Variants in EFNB2 observed in about 807,000 individuals in gnomAD.
EFNB2 encodes ephrin-B2.
EFNB2 carries 5 observed loss-of-function variants against 32.1 expected under a neutral mutation model. The observed-to-expected ratio is 0.16, with a 90% CI of 0.08 to 0.33. The LOEUF (loss-of-function observed/expected upper bound fraction) is 0.33. Among genes scored for constraint, EFNB2 ranks in the 10% least tolerant of loss-of-function variants. The pLI, the probability that EFNB2 is intolerant of heterozygous loss-of-function variation, is 1.00. For missense variants in EFNB2, 263 were observed against 422.6 expected (o/e 0.62, Z 3.31); for synonymous variants, 168 against 166.5 (o/e 1.01, Z -0.07).
intron 2 of EFNB2, among the ~76,000 whole-genome samples, chr13:106,505,259 A>G (rs1878913491): frequency 6.6e-6 from 1 of 152,208 alleles, no homozygotes; most frequent in Admixed American, 6.5e-5. Flanking sequence ...ATGTATGCAT[A>G]CATACTATCT....
Position 106,495,852 on chromosome 13 carries a change from T to C in EFNB2, c.407-12A>G, listed in dbSNP as rs761795630. Reference sequence around the variant, plus strand: ...CCCATTTGATGTAGCTGATTAAAAATAAAATGGACAAAACAAAAAAATAAA... The same window carrying C: ...CCCATTTGATGTAGCTGATTAAAAACAAAATGGACAAAACAAAAAAATAAA... On this transcript the variant is annotated splice_polypyrimidine_tract_variant and intron_variant, in intron 2 of 4. Transcript: ENST00000646441. 1 of 1,607,392 alleles carries C rather than the reference T, an allele frequency of 6.2e-7. No individual in the cohort carries two copies. Among genetic ancestry groups the C allele is most frequent in the African/African-American group, 1.3e-5 (1 of 74,476 alleles).
intron 2 of EFNB2, among the ~76,000 whole-genome samples, chr13:106,499,000 C>T (rs1323655241): frequency 6.6e-6 from 1 of 152,082 alleles, no homozygotes; most frequent in African/African-American, 2.4e-5. Context: ...TTACACGTTC[C>T]ACCAGGAAAG....
rs1300468991 is a variant in EFNB2, at chr13:106,534,876, A to G, written c.89T>C (p.Leu30Ser). The part of the protein sequence containing the change: ...CRTAISKSIV[L>S]EPIYWNSSNS... Reference sequence around the variant, plus strand: ...CGAGGAATTCCAATAGATAGGCTCTAAAACTATCGATTTGGAAATCGCAGT... The same window carrying G: ...CGAGGAATTCCAATAGATAGGCTCTGAAACTATCGATTTGGAAATCGCAGT... The change falls in exon 1 of 5, where the codon TTA becomes TCA. Residue 30 changes from leucine (L) to serine (S), a missense_variant. This residue lies in a region of EFNB2 where 46 missense variants were observed against 56.9 expected (regional missense o/e 0.81). Transcript: ENST00000646441. The G allele has an allele frequency of 6.2e-7, 1 of 1,613,508 alleles. No homozygotes were observed. The highest frequency in any genetic ancestry group is 1.7e-5 in the Admixed American group (1 of 59,952).
rs1390418389 is a variant in EFNB2 at position 106,534,930 on chromosome 13, C to T, written c.35G>A (p.Cys12Tyr). The T allele has an allele frequency of 3.1e-6, 5 of 1,613,610 alleles. No individual in the cohort carries two copies. The highest frequency in any genetic ancestry group is 1.6e-4 in the Middle Eastern group (1 of 6,062). The change falls in exon 1 of 5, where the codon TGC (cysteine) becomes TAC (tyrosine). Residue 12 changes from cysteine (C) to tyrosine (Y), a missense_variant. Cys to Tyr is a radical substitution (Grantham distance 194). Around this residue, in one of 3 missense-constraint regions of EFNB2, gnomAD observed 46 missense variants for 56.9 expected, o/e 0.81. Transcript: ENST00000646441. ...GCATAAAACCATCAAAACACCCCAG[C>T]AGTACTTCCACACGGAGTCCCTTCT... is the stretch of plus-strand genomic sequence containing the variant. The part of the protein sequence containing the change: ...AVRRDSVWKY[C>Y]WGVLMVLCRT...
At chr13:106,506,123 A>G (rs1476114695) in intron 2 of EFNB2, 1 of 152,190 alleles carries the variant, frequency 6.6e-6, no homozygotes, top group African/African-American at 2.4e-5. Flanking sequence ...AAAACCTTTA[A>G]TACACCCAGA....
chr13:106,529,309 G>A (rs1040763730), intron 1 of EFNB2, among the ~76,000 whole-genome samples: 3 of 152,162 alleles, frequency 2.0e-5, no homozygotes, highest in African/African-American at 4.8e-5. Context: ...CAACGACCGC[G>A]AAGTGCAGTT....
At chr13:106,510,329 A>T (rs1232668071) in intron 2 of EFNB2, 1 of 152,406 alleles carries the variant, frequency 6.6e-6, no homozygotes, top group East Asian at 1.9e-4. Context: ...CATTAAGCAA[A>T]GAGATGTTGG....
chr13:106,494,181 A>G (rs985345902), intron 4 of EFNB2, among the ~76,000 whole-genome samples: 2 of 152,226 alleles, frequency 1.3e-5, no homozygotes, highest in Non-Finnish European at 2.9e-5. Context: ...ATTGCTGCAG[A>G]CGATAAATTT....
chr13:106,532,444 C>T (rs188388960), intron 1 of EFNB2, among the ~76,000 whole-genome samples: 50 of 152,318 alleles, frequency 3.3e-4, no homozygotes, highest in Admixed American at 9.1e-4. Flanking sequence ...TGATTACCTT[C>T]CTGCCACATC....
intron 2 of EFNB2, among the ~76,000 whole-genome samples, chr13:106,500,643 G>C (rs9301141): frequency 0.84 from 128,139 of 152,154 alleles, 54,420 homozygotes; most frequent in East Asian, 0.99. Flanking sequence ...CTGGACACAA[G>C]TTACTCTCAT....
intron 2 of EFNB2, among the ~76,000 whole-genome samples, chr13:106,497,448 T>C (rs1454284202): frequency 7.7e-6 from 1 of 130,694 alleles, no homozygotes; most frequent in East Asian, 2.3e-4. Context: ...TAAGAAACTA[T>C]TCAGCAGACA....
chr13:106,511,028 A>C (rs1048731956), intron 2 of EFNB2, among the ~76,000 whole-genome samples: 2 of 152,054 alleles, frequency 1.3e-5, no homozygotes, highest in African/African-American at 4.8e-5. Flanking sequence ...TAAAAAAATA[A>C]AGTCTTTACT....
chr13:106,521,618 C>A (rs2138934046), intron 1 of EFNB2: 1 of 152,166 alleles, frequency 6.6e-6, no homozygotes, highest in Non-Finnish European at 1.5e-5. Flanking sequence ...ATTTCACAGC[C>A]CACAGTGCTG....
intron 2 of EFNB2, among the ~76,000 whole-genome samples, chr13:106,503,024 C>A (rs769109022): frequency 6.6e-6 from 1 of 152,162 alleles, no homozygotes; most frequent in African/African-American, 2.4e-5. Flanking sequence ...CCCCAACCCC[C>A]GACTTTTTTG....
At chr13:106,506,148 G>A (rs1294058251) in intron 2 of EFNB2, 1 of 152,190 alleles carries the variant, frequency 6.6e-6, no homozygotes, top group African/African-American at 2.4e-5. Flanking sequence ...GAGTTCACAT[G>A]ATGTTCAGAA....
Position 106,519,840 on chromosome 13 carries a change from T to G in EFNB2, c.123-7028A>C, listed in dbSNP as rs111515394. 568 of 152,318 alleles carry G rather than the reference T, an allele frequency of 3.7e-3. 6 individuals carry two copies. The highest frequency in any genetic ancestry group is 0.013 in the African/African-American group (539 of 41,570). 9.4% of individuals were successfully genotyped at this position (152,318 alleles called of 1,614,324 possible). ...TTTTTTAATGTAGTTTCAGAAAAAC[T>G]TTGTGCTATCTTTCATAATTGACTT... On this transcript the variant is annotated intron_variant, in intron 1 of 4. Coordinates refer to ENST00000646441, the MANE Select transcript of EFNB2 (RefSeq NM_004093.4).
At chr13:106,522,015 A>G (rs756121871) in intron 1 of EFNB2, among the ~76,000 whole-genome samples, 2 of 152,130 alleles carry the variant, frequency 1.3e-5, no homozygotes, top group African/African-American at 2.4e-5. Flanking sequence ...TCAACCACCT[A>G]TATCAAAATA....
chr13:106,498,587 G>A (rs559899652), intron 2 of EFNB2, among the ~76,000 whole-genome samples: 1 of 152,316 alleles, frequency 6.6e-6, no homozygotes, highest in East Asian at 1.9e-4. Context: ...CTATAAGACA[G>A]TAGGAGGAAG....
At chr13:106,506,938 T>TAAG (rs1220432292) in intron 2 of EFNB2, among the ~76,000 whole-genome samples, 1 of 152,130 alleles carries the variant, frequency 6.6e-6, no homozygotes, top group Admixed American at 6.5e-5. Flanking sequence ...ACTCTCAACC[T>TAAG]AAGATGTTGA....
Sources: allele counts gnomAD v4.1 joint callset (sites outside exome capture counted in the v4.1 genomes callset), GRCh38; gene constraint gnomAD v4.1.1; regional missense constraint gnomAD v4.1.1; transcripts MANE v1.5; gene names NCBI Gene and HGNC (gene_info 2026-07-23, HGNC 2026-07-21).